Variants in TNFRSF21 observed in about 807,000 individuals in gnomAD.
TNFRSF21 encodes the protein tumor necrosis factor receptor superfamily member 21.
In TNFRSF21, 19 loss-of-function variants were observed where a neutral mutation model predicts 45.6. The ratio of observed to expected loss-of-function variants is 0.42; its 90% CI spans 0.29 to 0.61. The LOEUF (loss-of-function observed/expected upper bound fraction) is 0.61, where lower values mean the gene tolerates loss of function less well. Ranked by LOEUF, TNFRSF21 falls within the 20% of genes least tolerant of loss-of-function variation. The probability of loss-of-function intolerance (pLI) is 0.23; values close to 1 mark genes in which losing one functional copy is unlikely to be tolerated. For synonymous variants in TNFRSF21, 314 were observed against 335.5 expected (o/e 0.94, Z 0.70); for missense variants, 737 against 851.5 (o/e 0.87, Z 1.67).
chr6:47,238,241 G>C (rs1764689299), intron 4 of TNFRSF21, among the ~76,000 whole-genome samples: 1 of 152,166 alleles, frequency 6.6e-6, no homozygotes, highest in Admixed American at 6.5e-5. Context: ...ATGTGGCTGA[G>C]CTCCTCTCTA....
chr6:47,295,397 T>C (rs1377293675), intron 1 of TNFRSF21, among the ~76,000 whole-genome samples: 1 of 152,206 alleles, frequency 6.6e-6, no homozygotes, highest in East Asian at 1.9e-4. Flanking sequence ...GAAATAAACT[T>C]TTTTTCTATT....
chr6:47,279,774 T>C (rs1364300137), intron 3 of TNFRSF21, among the ~76,000 whole-genome samples: 2 of 152,166 alleles, frequency 1.3e-5, no homozygotes, highest in African/African-American at 4.8e-5. Context: ...TTTTTATATG[T>C]AAACATTCTG....
At chr6:47,269,830 G>T (rs190158340) in intron 3 of TNFRSF21, among the ~76,000 whole-genome samples, 1 of 152,170 alleles carries the variant, frequency 6.6e-6, no homozygotes, top group African/African-American at 2.4e-5. Context: ...CAAGAGCGCT[G>T]CCTGGGCCCC....
chr6:47,297,481 C>A (rs1015074522), intron 1 of TNFRSF21, among the ~76,000 whole-genome samples: 1 of 149,420 alleles, frequency 6.7e-6, no homozygotes, highest in Admixed American at 6.7e-5. Context: ...AATTTTCTAA[C>A]GAGTGATGGA....
At chr6:47,236,604 C>T (rs1740584878) in intron 4 of TNFRSF21, among the ~76,000 whole-genome samples, 1 of 152,226 alleles carries the variant, frequency 6.6e-6, no homozygotes, top group Non-Finnish European at 1.5e-5. Flanking sequence ...CCACCACCCA[C>T]ACCCTGCTGC....
chr6:47,269,305 C>G (rs1427263950), intron 3 of TNFRSF21, among the ~76,000 whole-genome samples: 1 of 151,936 alleles, frequency 6.6e-6, no homozygotes, highest in Non-Finnish European at 1.5e-5. Context: ...TGTAAATTTT[C>G]CAAAAAATAA....
intron 3 of TNFRSF21, among the ~76,000 whole-genome samples, chr6:47,270,339 T>C (rs573000785): frequency 6.6e-6 from 1 of 152,212 alleles, no homozygotes; most frequent in Non-Finnish European, 1.5e-5. Context: ...TTTGCCGTTC[T>C]GCAACATCCA....
intron 1 of TNFRSF21, among the ~76,000 whole-genome samples, chr6:47,296,992 G>A (rs1000615787): frequency 2.0e-4 from 31 of 152,308 alleles, no homozygotes; most frequent in African/African-American, 6.3e-4. Flanking sequence ...CGGTCAGGCC[G>A]AAGCACAGGC....
intron 3 of TNFRSF21, among the ~76,000 whole-genome samples, chr6:47,262,514 TG>T (rs1448037149): frequency 6.6e-6 from 1 of 152,072 alleles, no homozygotes; most frequent in Non-Finnish European, 1.5e-5. Context: ...TACATTCCAT[TG>T]GGGGGAAGTA....
chr6:47,280,325 G>T (rs893012268), intron 3 of TNFRSF21, among the ~76,000 whole-genome samples: 1 of 152,110 alleles, frequency 6.6e-6, no homozygotes. Context: ...TTATCTGCTG[G>T]CCAGAACTCA....
intron 3 of TNFRSF21, among the ~76,000 whole-genome samples, chr6:47,268,976 C>G (rs1381379336): frequency 6.6e-6 from 1 of 152,208 alleles, no homozygotes; most frequent in Admixed American, 6.5e-5. Flanking sequence ...GTCCTCTGTA[C>G]TGAGCAGAAG....
chr6:47,279,955 G>A (rs74692678), intron 3 of TNFRSF21, among the ~76,000 whole-genome samples: 1,828 of 152,280 alleles, frequency 0.012, 37 homozygotes, highest in African/African-American at 0.041. Flanking sequence ...GCCATGCGAG[G>A]CCTCCTCTTA....
rs767319393 is a variant in TNFRSF21 at position 47,286,007 on chromosome 6, T to C, written c.685A>G (p.Ile229Val). Residue 229 changes from isoleucine to valine, a missense_variant, in exon 2 of 6, where the codon ATC (isoleucine) becomes GTC (valine). By Grantham distance (29) the Ile-to-Val change is conservative. Transcript: ENST00000296861. ...SSTSPSPGTAIFPRPEHMETH... is the reference protein window; with the variant it reads ...SSTSPSPGTAVFPRPEHMETH... ...TCCATGTGCTCAGGGCGTGGAAAGA[T>C]GGCTGTGCCAGGGGAAGGTGAGGTG... 6.2e-7 allele frequency: 1 copy of C among 1,614,214 alleles called. No individual in the cohort carries two copies. Among genetic ancestry groups the C allele is most frequent in the Non-Finnish European group, 8.5e-7 (1 of 1,180,034 alleles).
At chr6:47,268,738 G>A (rs973526993) in intron 3 of TNFRSF21, among the ~76,000 whole-genome samples, 1 of 152,112 alleles carries the variant, frequency 6.6e-6, no homozygotes, top group African/African-American at 2.4e-5. Context: ...CATTACCGGT[G>A]TCATCCAGGC....
chr6:47,243,746 T>A (rs1025829840), intron 4 of TNFRSF21, among the ~76,000 whole-genome samples: 1 of 152,152 alleles, frequency 6.6e-6, no homozygotes, highest in African/African-American at 2.4e-5. Flanking sequence ...CTGGCCTTTT[T>A]TCGTTTAACC....
rs1432546440 is a variant in TNFRSF21, at chr6:47,253,297, C to T, written c.1468G>A (p.Val490Ile). Residue 490 changes from valine (V) to isoleucine (I), a missense_variant, in exon 4 of 6, where the codon GTT becomes ATT. By Grantham distance (29) the Val-to-Ile change is conservative. Coordinates refer to ENST00000296861, the MANE Select transcript of TNFRSF21 (RefSeq NM_014452.5). Reference protein sequence around the residue: ...SALRQHRRNDVVEKIRGLMED... With the variant: ...SALRQHRRNDIVEKIRGLMED... ...ATCAGCCCACGAATCTTCTCCACAACATCGTTTCTCCGGTGCTGGCGCAGG... is the reference window on the plus strand; with the variant it reads ...ATCAGCCCACGAATCTTCTCCACAATATCGTTTCTCCGGTGCTGGCGCAGG... The T allele has an allele frequency of 1.9e-6, 3 of 1,613,716 alleles. No individual in the cohort carries two copies. The highest frequency in any genetic ancestry group is 2.2e-5 in the East Asian group (1 of 44,884).
At chr6:47,298,835 T>A (rs894943401) in intron 1 of TNFRSF21, among the ~76,000 whole-genome samples, 5 of 152,180 alleles carry the variant, frequency 3.3e-5, no homozygotes, top group Non-Finnish European at 7.4e-5. Flanking sequence ...TAGAATCTTC[T>A]CTCAGAAAGG....
At chr6:47,259,012 C>T (rs1765030876) in intron 3 of TNFRSF21, among the ~76,000 whole-genome samples, 1 of 152,142 alleles carries the variant, frequency 6.6e-6, no homozygotes, top group South Asian at 2.1e-4. Context: ...GCAATTACAG[C>T]AATTTAAAGA....
intron 5 of TNFRSF21, among the ~76,000 whole-genome samples, chr6:47,234,440 C>G (rs527326135): frequency 1.3e-4 from 20 of 152,356 alleles, no homozygotes; most frequent in Non-Finnish European, 2.4e-4. Flanking sequence ...GCCGATAGCT[C>G]TCCACCGGGC....
Sources: gnomAD v4.1 joint callset for allele counts (sites outside exome capture counted in the v4.1 genomes callset) on GRCh38, gnomAD v4.1.1 for gene constraint, MANE v1.5 for transcripts, NCBI Gene and HGNC (gene_info 2026-07-23, HGNC 2026-07-21) for gene names.